Variants in IGF1R observed in about 807,000 individuals in gnomAD.
The protein encoded by IGF1R is insulin like growth factor 1 receptor, also known as insulin-like growth factor 1 receptor.
IGF1R carries 44 observed loss-of-function variants against 144.6 expected under a neutral mutation model. The observed-to-expected ratio is 0.30, with a 90% CI of 0.24 to 0.39. The LOEUF (loss-of-function observed/expected upper bound fraction) is 0.39. Among genes scored for constraint, IGF1R ranks in the 10% least tolerant of loss-of-function variants. IGF1R has a pLI of 1.00. For synonymous variants in IGF1R, 795 were observed against 722.8 expected, an observed-to-expected ratio of 1.10 and a Z score of -1.60; for missense variants, 1,355 against 1,833.7, an observed-to-expected ratio of 0.74 and a Z score of 4.77.
In IGF1R at chr15:98,961,514, G is replaced by A. The variant is rs1388325884; in HGVS notation, c.*4072G>A. 1 of 233,458 alleles carries A rather than the reference G, an allele frequency of 4.3e-6. No individual in the cohort carries two copies. The highest frequency in any genetic ancestry group is 2.2e-5 in the African/African-American group (1 of 45,330). The allele number at this position is 233,458 out of a possible 1,614,324, so 14.5% of individuals were successfully genotyped here. On this transcript the variant is annotated 3_prime_UTR_variant, in exon 21 of 21. Transcript: ENST00000650285. ...ATCCACAGTTCTAGCCTAACTTCAT[G>A]CTGATTTCTCTGCCTCTTGATTTTT...
chr15:98,653,161 C>T (rs533520548), intron 1 of IGF1R, among the ~76,000 whole-genome samples: 23 of 152,078 alleles, frequency 1.5e-4, no homozygotes, highest in Admixed American at 4.6e-4. Flanking sequence ...GAAAAAGAAT[C>T]TTGGTTCTAT....
Position 98,862,764 on chromosome 15 carries a change from G to C in IGF1R, c.641-28561G>C, listed in dbSNP as rs182196845. On this transcript the variant is annotated intron_variant, in intron 2 of 20. Transcript: ENST00000650285. ...AACTTAGTTGATGATCATGCTGTAA[G>C]TTGTTTTCTTTTGCTTTATCAACTT... Among the ~76,000 whole-genome samples, 27 of 152,278 alleles carry C rather than the reference G, an allele frequency of 1.8e-4. 1 individual carries two copies. The highest frequency in any genetic ancestry group is 6.3e-4 in the African/African-American group (26 of 41,550).
intron 2 of IGF1R, among the ~76,000 whole-genome samples, chr15:98,860,307 A>G (rs539710996): frequency 5.9e-5 from 9 of 152,364 alleles, no homozygotes; most frequent in Middle Eastern, 3.4e-3. Context: ...CCTTGTACAG[A>G]CCATCCTAGT....
chr15:98,821,222 G>C (rs955009475), intron 2 of IGF1R, among the ~76,000 whole-genome samples: 1 of 151,870 alleles, frequency 6.6e-6, no homozygotes, highest in Non-Finnish European at 1.5e-5. Context: ...TGGCCTGTGC[G>C]CTTCTGGTTT....
intron 2 of IGF1R, among the ~76,000 whole-genome samples, chr15:98,775,820 A>G (rs1315708477): frequency 6.6e-6 from 1 of 152,104 alleles, no homozygotes. Flanking sequence ...GATGATGAGA[A>G]TTTGCATTTC....
At chr15:98,929,723 G>A (rs2151701915) in intron 14 of IGF1R, 63 bp downstream of exon 14, 1 of 1,073,352 alleles carries the variant, frequency 9.3e-7, no homozygotes. Flanking sequence ...TTGAATGTGA[G>A]TGAAGGTGAT....
chr15:98,953,433 T>A (rs1474251074), intron 20 of IGF1R, among the ~76,000 whole-genome samples: 3 of 152,146 alleles, frequency 2.0e-5, no homozygotes, highest in Non-Finnish European at 4.4e-5. Context: ...TCCTCAGCCT[T>A]ATTTCAGCCC....
chr15:98,828,367 C>T (rs1210518361), intron 2 of IGF1R, among the ~76,000 whole-genome samples: 1 of 152,082 alleles, frequency 6.6e-6, no homozygotes, highest in Non-Finnish European at 1.5e-5. Flanking sequence ...GTATAAGACA[C>T]CTTGGTTGGG....
chr15:98,839,035 A>G (rs1031034065), intron 2 of IGF1R, among the ~76,000 whole-genome samples: 5 of 152,190 alleles, frequency 3.3e-5, no homozygotes, highest in Admixed American at 1.3e-4. Flanking sequence ...GGTTTCACAA[A>G]CAGCACTGTC....
At chr15:98,886,542 A>G (rs547204248) in intron 2 of IGF1R, among the ~76,000 whole-genome samples, 7 of 152,216 alleles carry the variant, frequency 4.6e-5, no homozygotes, top group Admixed American at 2.0e-4. Flanking sequence ...TTTTCCTCCT[A>G]TTTTTAAAAG....
intron 5 of IGF1R, among the ~76,000 whole-genome samples, chr15:98,899,985 G>A (rs966737493): frequency 1.3e-5 from 2 of 152,104 alleles, no homozygotes; most frequent in African/African-American, 2.4e-5. Flanking sequence ...TTGTTCGCGC[G>A]ACCCTCATCT....
At position 98,742,930 on chromosome 15, in the gene IGF1R, G is replaced by A. The variant is rs192193661; in HGVS notation, c.640+34823G>A. Among the ~76,000 whole-genome samples the A allele has an allele frequency of 1.1e-3, 169 of 152,206 alleles. 1 individual carries two copies. The highest frequency in any genetic ancestry group is 3.2e-3 in the African/African-American group (134 of 41,518). The stretch of plus-strand genomic sequence containing the variant: ...TGGGTGCCTGTAATCCCAGCTTCTC[G>A]GGAGGCTGAGACAGGAGAATCACTT... On this transcript the variant is annotated intron_variant, in intron 2 of 20. Coordinates refer to ENST00000650285, the MANE Select transcript of IGF1R (RefSeq NM_000875.5).
chr15:98,777,326 A>G (rs1199396248), intron 2 of IGF1R, among the ~76,000 whole-genome samples: 1 of 152,250 alleles, frequency 6.6e-6, no homozygotes, highest in Admixed American at 6.5e-5. Context: ...GTACTTGCCA[A>G]GGTTAAAGTT....
At chr15:98,951,057 G>A (rs553117664) in intron 20 of IGF1R, among the ~76,000 whole-genome samples, 8 of 152,330 alleles carry the variant, frequency 5.3e-5, no homozygotes, top group Middle Eastern at 3.4e-3. Flanking sequence ...TGCTGCTTCC[G>A]AACATAGGTT....
At chr15:98,697,477 G>T (rs946344506) in intron 1 of IGF1R, among the ~76,000 whole-genome samples, 1 of 152,144 alleles carries the variant, frequency 6.6e-6, no homozygotes, top group African/African-American at 2.4e-5. Context: ...GTGTCCTGAC[G>T]AATCTGACTG....
chr15:98,787,067 T>G (rs531408456), intron 2 of IGF1R, among the ~76,000 whole-genome samples: 1 of 152,234 alleles, frequency 6.6e-6, no homozygotes, highest in Admixed American at 6.5e-5. Context: ...TCAGCGCCCC[T>G]TCGTAATTGG....
intron 1 of IGF1R, among the ~76,000 whole-genome samples, chr15:98,693,192 C>T (rs1394688384): frequency 6.6e-6 from 1 of 152,074 alleles, no homozygotes; most frequent in Non-Finnish European, 1.5e-5. Flanking sequence ...GGCTGGGAGA[C>T]CTGTTTGGTC....
chr15:98,949,083 T>C (rs2016670753), intron 20 of IGF1R, among the ~76,000 whole-genome samples: 1 of 152,126 alleles, frequency 6.6e-6, no homozygotes, highest in African/African-American at 2.4e-5. Flanking sequence ...TACTCTGAAG[T>C]CGAATTCAAG....
intron 5 of IGF1R, among the ~76,000 whole-genome samples, chr15:98,903,295 G>T (rs1224596861): frequency 2.6e-5 from 4 of 152,226 alleles, no homozygotes; most frequent in African/African-American, 7.2e-5. Context: ...TGCTACCAAG[G>T]ATTGTTGCCT....
Sources: allele counts gnomAD v4.1 joint callset (sites outside exome capture counted in the v4.1 genomes callset), GRCh38; gene constraint gnomAD v4.1.1; transcripts MANE v1.5; gene names NCBI Gene and HGNC (gene_info 2026-07-23, HGNC 2026-07-21).